CEP170: variants seen among roughly 807,000 people sequenced by gnomAD.
CEP170 encodes the protein centrosomal protein 170.
In CEP170, 21 loss-of-function variants were observed where a neutral mutation model predicts 151.9. That is an observed-to-expected ratio of 0.14 (90% CI 0.10 to 0.20). The LOEUF (loss-of-function observed/expected upper bound fraction) is 0.20. Among genes scored for constraint, CEP170 ranks in the 10% least tolerant of loss-of-function variants. The probability of loss-of-function intolerance (pLI) is 1.00; values close to 1 mark genes in which losing one functional copy is unlikely to be tolerated. For synonymous variants in CEP170, 356 were observed against 648.8 expected (o/e 0.55, Z 6.86); for missense variants, 964 against 1,892.9 (o/e 0.51, Z 9.11).
At chr1:243,133,696 A>G (rs1256845192) in intron 17 of CEP170, among the ~76,000 whole-genome samples, 1 of 152,174 alleles carries the variant, frequency 6.6e-6, no homozygotes, top group Non-Finnish European at 1.5e-5. Flanking sequence ...GCCATAGGAT[A>G]TATTAGCAAA....
chr1:243,173,104 A>G (rs964634255), intron 10 of CEP170, among the ~76,000 whole-genome samples: 2 of 151,606 alleles, frequency 1.3e-5, no homozygotes, highest in African/African-American at 4.8e-5. Flanking sequence ...CTTGTTGCCC[A>G]GGCTGGAGTA....
In CEP170 at chr1:243,226,123, G is replaced by A. The variant is rs555888991; in HGVS notation, c.-41-802C>T. ...TATACACGTATATATATGTATATAC[G>A]TGTGTATATATGTGTATATATATGT... On this transcript the variant is annotated intron_variant, in intron 1 of 19. Transcript: ENST00000366542. Among the ~76,000 whole-genome samples, 135 of 93,946 alleles carry A rather than the reference G, an allele frequency of 1.4e-3. 1 individual carries two copies. Among genetic ancestry groups the A allele is most frequent in the Non-Finnish European group, 2.4e-3 (111 of 46,574 alleles). The allele number at this position is 93,946 out of a possible 152,430, so 61.6% of individuals were successfully genotyped here.
chr1:243,163,399 T>C (rs2058215893), intron 13 of CEP170: 1 of 152,212 alleles, frequency 6.6e-6, no homozygotes, highest in African/African-American at 2.4e-5. Context: ...AACATGCATA[T>C]AGGACACAAA....
intron 8 of CEP170, among the ~76,000 whole-genome samples, chr1:243,188,674 T>C (rs1205595407): frequency 6.6e-6 from 1 of 152,254 alleles, no homozygotes; most frequent in Non-Finnish European, 1.5e-5. Flanking sequence ...GTATGGGCTT[T>C]ATTTTCCAAA....
chr1:243,125,758 A>C lies in CEP170; in HGVS notation c.*691T>G, dbSNP rs1369615117. 5.6e-6 allele frequency: 1 copy of C among 179,138 alleles called. No individual in the cohort carries two copies. Among genetic ancestry groups the C allele is most frequent in the East Asian group, 1.4e-4 (1 of 7,266 alleles). 11.1% of individuals were successfully genotyped at this position (179,138 alleles called of 1,614,324 possible). ...TATTATCAATCTCCTATGTACAAAA[A>C]AGACGGTTAGTCCTTATTGATATAT... On this transcript the variant is annotated 3_prime_UTR_variant, in exon 20 of 20. Transcript: ENST00000366542.
intron 1 of CEP170, among the ~76,000 whole-genome samples, chr1:243,250,753 A>G (rs2065862852): frequency 1.3e-5 from 2 of 152,250 alleles, no homozygotes; most frequent in Non-Finnish European, 2.9e-5. Flanking sequence ...TTGAAAAGCC[A>G]TGTAACATTT....
chr1:243,192,041 A>G (rs2060338741), intron 7 of CEP170, among the ~76,000 whole-genome samples: 2 of 152,198 alleles, frequency 1.3e-5, no homozygotes, highest in South Asian at 4.1e-4. Flanking sequence ...ATTCTTCACC[A>G]TTACATTCGG....
chr1:243,139,972 T>C lies in CEP170; in HGVS notation c.4195A>G (p.Thr1399Ala), dbSNP rs776747259. 1 of 1,613,186 alleles carries C rather than the reference T, an allele frequency of 6.2e-7. No homozygotes were observed. Among genetic ancestry groups the C allele is most frequent in the Non-Finnish European group, 8.5e-7 (1 of 1,179,388 alleles). ...PQAAEPPDHL[T>A]ITRRRTWSRD... Reference sequence around the variant, plus strand: ...CTCCAGGTTCTCCGCCTTGTAATTGTTAAGTGATCGGGAGGCTCTGCTGCT... The same window carrying C: ...CTCCAGGTTCTCCGCCTTGTAATTGCTAAGTGATCGGGAGGCTCTGCTGCT... The change falls in exon 16 of 20, where the codon ACA becomes GCA. Residue 1399 changes from threonine (T) to alanine (A), a missense_variant. Coordinates refer to ENST00000366542, the MANE Select transcript of CEP170 (RefSeq NM_014812.3).
intron 3 of CEP170, among the ~76,000 whole-genome samples, chr1:243,221,043 C>A (rs1435600803): frequency 6.6e-6 from 1 of 151,950 alleles, no homozygotes; most frequent in African/African-American, 2.4e-5. Context: ...TTTTTTGAGA[C>A]GCAGTCTTGC....
At chr1:243,195,677 T>TA (rs1386225277) in intron 7 of CEP170, among the ~76,000 whole-genome samples, 1 of 151,332 alleles carries the variant, frequency 6.6e-6, no homozygotes, top group African/African-American at 2.4e-5. Flanking sequence ...ATTTGAAACT[T>TA]AAAAAAAAAG....
chr1:243,146,814 G>A (rs2056550103), intron 14 of CEP170, among the ~76,000 whole-genome samples: 1 of 152,148 alleles, frequency 6.6e-6, no homozygotes, highest in Admixed American at 6.6e-5. Flanking sequence ...AAAAGTACAC[G>A]AATGCAGGCA....
At chr1:243,178,729 T>A (rs1421805697) in intron 10 of CEP170, among the ~76,000 whole-genome samples, 1 of 152,096 alleles carries the variant, frequency 6.6e-6, no homozygotes. Context: ...TTCTTCTTTT[T>A]TTTTTTTTGA....
chr1:243,231,195 T>C (rs1248279769), intron 1 of CEP170, among the ~76,000 whole-genome samples: 10 of 143,672 alleles, frequency 7.0e-5, no homozygotes, highest in Non-Finnish European at 1.1e-4. Flanking sequence ...ATCATCATTA[T>C]TATTATTATT....
intron 8 of CEP170, among the ~76,000 whole-genome samples, chr1:243,188,049 A>G (rs1408533525): frequency 1.3e-5 from 2 of 152,040 alleles, no homozygotes; most frequent in Non-Finnish European, 2.9e-5. Flanking sequence ...TCCCTGCCTC[A>G]GGTAATTAAG....
At chr1:243,157,146 A>T (rs1280726576) in intron 13 of CEP170, among the ~76,000 whole-genome samples, 1 of 152,252 alleles carries the variant, frequency 6.6e-6, no homozygotes, top group Non-Finnish European at 1.5e-5. Flanking sequence ...ATGGCATAAA[A>T]TCTACAAAAA....
At chr1:243,162,913 T>C (rs1029657255) in intron 13 of CEP170, among the ~76,000 whole-genome samples, 1 of 152,166 alleles carries the variant, frequency 6.6e-6, no homozygotes, top group Non-Finnish European at 1.5e-5. Context: ...GGCAATAAAT[T>C]TGTGAACCAC....
chr1:243,205,327 G>A (rs1238185833), intron 4 of CEP170, among the ~76,000 whole-genome samples: 1 of 152,190 alleles, frequency 6.6e-6, no homozygotes, highest in Non-Finnish European at 1.5e-5. Flanking sequence ...TGATTCATGA[G>A]TCACTGGGTA....
chr1:243,204,736 T>C lies in CEP170; in HGVS notation c.275-3901A>G, dbSNP rs923796719. 4.6e-5 allele frequency among the ~76,000 whole-genome samples: 7 copies of C among 152,210 alleles called. No homozygotes were observed. In the East Asian group the frequency reaches 5.8e-4, roughly 13 times the overall value. On this transcript the variant is annotated intron_variant, in intron 4 of 19. Transcript: ENST00000366542. ...TATCAATCTATATTCATTCCCTTAA[T>C]GATCTCATTCAGTCTTATGGTTTTA...
intron 8 of CEP170, among the ~76,000 whole-genome samples, 167 bp downstream of exon 8, chr1:243,190,851 A>G (rs1183061725): frequency 6.6e-6 from 1 of 152,230 alleles, no homozygotes. Flanking sequence ...GAATGAGGAA[A>G]TTGGACATGG....
Sources: allele counts gnomAD v4.1 joint callset (sites outside exome capture counted in the v4.1 genomes callset), GRCh38; gene constraint gnomAD v4.1.1; transcripts MANE v1.5; gene names NCBI Gene and HGNC (gene_info 2026-07-23, HGNC 2026-07-21).